The following NAF1 variants were observed in gnomAD, a reference collection of about 807,000 sequenced individuals.
NAF1 encodes the protein nuclear assembly factor 1 ribonucleoprotein.
Under a neutral mutation model 40.6 loss-of-function variants are expected in NAF1, and 11 were observed. The ratio of observed to expected loss-of-function variants is 0.27; its 90% CI spans 0.17 to 0.45. The LOEUF is 0.45. Among genes scored for constraint, NAF1 ranks in the 20% least tolerant of loss-of-function variants. The probability of loss-of-function intolerance (pLI) is 1.00; values close to 1 mark genes in which losing one functional copy is unlikely to be tolerated. For synonymous variants in NAF1, 260 were observed against 228.5 expected (o/e 1.14, Z -1.24); for missense variants, 607 against 611.1 (o/e 0.99, Z 0.07).
At chr4:163,154,616 T>C (rs1731892874) in intron 2 of NAF1, among the ~76,000 whole-genome samples, 1 of 152,140 alleles carries the variant, frequency 6.6e-6, no homozygotes, top group African/African-American at 2.4e-5. Flanking sequence ...CTCATGCCTG[T>C]AATCCCAGCA....
At chr4:163,150,015 C>T (rs1731633390) in intron 2 of NAF1, among the ~76,000 whole-genome samples, 1 of 152,080 alleles carries the variant, frequency 6.6e-6, no homozygotes, top group South Asian at 2.1e-4. Context: ...GTGATAAAAT[C>T]TGTCCCATTA....
At chr4:163,123,771 G>A (rs758691772), downstream of NAF1, among the ~76,000 whole-genome samples, 2 of 152,162 alleles carry the variant, frequency 1.3e-5, no homozygotes, top group African/African-American at 4.8e-5. Flanking sequence ...ACATGCAAAG[G>A]GGTTATCCAT....
intron 2 of NAF1, among the ~76,000 whole-genome samples, chr4:163,112,450 G>A (rs1325859567): frequency 6.6e-6 from 1 of 152,114 alleles, no homozygotes; most frequent in Non-Finnish European, 1.5e-5. Context: ...AAGGGAGAGA[G>A]AGGAAACACA....
chr4:163,147,523 C>A (rs1445759115), intron 3 of NAF1, among the ~76,000 whole-genome samples: 1 of 152,164 alleles, frequency 6.6e-6, no homozygotes, highest in South Asian at 2.1e-4. Flanking sequence ...ATATTAAGTT[C>A]TCTTATAACT....
downstream of NAF1, chr4:163,108,835 G>A (rs1730091321): frequency 6.6e-6 from 1 of 152,096 alleles, no homozygotes; most frequent in Non-Finnish European, 1.5e-5. Flanking sequence ...TGCACCAGAC[G>A]AAAACATATC....
chr4:163,159,096 A>G (rs1732113398), intron 2 of NAF1, among the ~76,000 whole-genome samples: 1 of 152,130 alleles, frequency 6.6e-6, no homozygotes, highest in Non-Finnish European at 1.5e-5. Flanking sequence ...TAAACAATTG[A>G]ATGTTTCTGT....
At chr4:163,158,125 GT>G (rs993132683) in intron 2 of NAF1, 1 of 152,100 alleles carries the variant, frequency 6.6e-6, no homozygotes, top group Non-Finnish European at 1.5e-5. Flanking sequence ...TTTGGTGTCA[GT>G]TTGGGGAGAA....
At chr4:163,137,175 T>C (rs765264152) in intron 6 of NAF1, 24 bp downstream of exon 6, 1 of 1,611,632 alleles carries the variant, frequency 6.2e-7, no homozygotes, top group Admixed American at 1.7e-5. Context: ...TTATAAAATG[T>C]TGCATAAAAA....
intron 3 of NAF1, among the ~76,000 whole-genome samples, chr4:163,147,703 G>A (rs1036362034): frequency 6.6e-6 from 1 of 152,166 alleles, no homozygotes. Context: ...CTTTGCAGAT[G>A]TGATTAAAGT....
chr4:163,119,447 A>G (rs570594033), intron 2 of NAF1: 1 of 152,302 alleles, frequency 6.6e-6, no homozygotes, highest in Admixed American at 6.5e-5. Flanking sequence ...ATCTCCCGAG[A>G]AAAATGTACA....
rs112343611 is a variant in NAF1 at position 163,155,395 on chromosome 4, T to C, written c.541-6961A>G. Among the ~76,000 whole-genome samples the C allele has an allele frequency of 9.0e-3, 1,368 of 152,308 alleles. 15 individuals are homozygous for C. The highest frequency in any genetic ancestry group is 0.047 in the South Asian group (227 of 4,824). On this transcript the variant is annotated intron_variant, in intron 2 of 7. Transcript: ENST00000274054. ...ACATAGTAGGTATTTAGTATTAATA[T>C]ATATCTATTAGATGAACTAACCTAC...
At chr4:163,154,784 T>A (rs1579180574) in intron 2 of NAF1, among the ~76,000 whole-genome samples, 1 of 151,822 alleles carries the variant, frequency 6.6e-6, no homozygotes, top group Admixed American at 6.6e-5. Context: ...GGCAGGAGAA[T>A]CACTTGAACC....
At chr4:163,162,115 A>G (rs1732250875) in intron 2 of NAF1, among the ~76,000 whole-genome samples, 1 of 152,156 alleles carries the variant, frequency 6.6e-6, no homozygotes, top group African/African-American at 2.4e-5. Flanking sequence ...ACAGACCATA[A>G]GCCAGCAAAA....
intron 5 of NAF1, among the ~76,000 whole-genome samples, chr4:163,137,766 C>T (rs986754104): frequency 6.6e-6 from 1 of 152,102 alleles, no homozygotes; most frequent in Non-Finnish European, 1.5e-5. Flanking sequence ...TATTCCAACA[C>T]TGATTCTCAA....
At chr4:163,126,017 A>G (rs535084083), downstream of NAF1, among the ~76,000 whole-genome samples, 5 of 152,354 alleles carry the variant, frequency 3.3e-5, no homozygotes, top group Non-Finnish European at 5.9e-5. Context: ...TGAAGACGTT[A>G]AGTCCACCAT....
intron 4 of NAF1, among the ~76,000 whole-genome samples, chr4:163,140,819 A>G (rs1327068871): frequency 6.6e-6 from 1 of 152,242 alleles, no homozygotes; most frequent in Non-Finnish European, 1.5e-5. Context: ...CTTCAATAGG[A>G]GTTAAATCAC....
At chr4:163,116,082 C>T (rs1319113139) in intron 2 of NAF1, among the ~76,000 whole-genome samples, 1 of 152,136 alleles carries the variant, frequency 6.6e-6, no homozygotes, top group Non-Finnish European at 1.5e-5. Context: ...TCTTGCTAAA[C>T]TTATTCTAAA....
At chr4:163,147,733 G>A (rs989793392) in intron 3 of NAF1, among the ~76,000 whole-genome samples, 1 of 152,116 alleles carries the variant, frequency 6.6e-6, no homozygotes, top group African/African-American at 2.4e-5. Flanking sequence ...CGAGATAGGG[G>A]AGATTATCCT....
At chr4:163,110,244 TG>T (rs1730118849) in exon 3 of NAF1, 2 of 701,004 alleles carry the variant, frequency 2.9e-6, no homozygotes, top group South Asian at 3.0e-5. Context: ...TCCCCTCATC[TG>T]TGCTGTCACT....
Sources: gnomAD v4.1 joint callset for allele counts (sites outside exome capture counted in the v4.1 genomes callset) on GRCh38, gnomAD v4.1.1 for gene constraint, MANE v1.5 for transcripts, NCBI Gene and HGNC (gene_info 2026-07-23, HGNC 2026-07-21) for gene names.